VCF1: variants seen among roughly 807,000 people sequenced by gnomAD.
VCF1 encodes VCP nuclear cofactor family member 1.
At chr17:73,217,841 G>A in the VCF1 span, among the ~76,000 whole-genome samples, 16 of 151,734 alleles carry the variant, frequency 1.1e-4, no homozygotes, top group African/African-American at 3.9e-4. Flanking sequence ...GCGTGGAGGC[G>A]TGCGCCTGGA....
At chr17:73,212,467 A>G in the VCF1 span, among the ~76,000 whole-genome samples, 1 of 150,536 alleles carries the variant, frequency 6.6e-6, no homozygotes, top group African/African-American at 2.5e-5. Context: ...TGAAAGGATG[A>G]TAATGGGCCG....
the VCF1 span, among the ~76,000 whole-genome samples, chr17:73,217,691 T>C: frequency 6.6e-6 from 1 of 151,702 alleles, no homozygotes; most frequent in Non-Finnish European, 1.5e-5. Flanking sequence ...CAGTGGCTCA[T>C]GTCTGTAATC....
the VCF1 span, chr17:73,208,361 C>G: frequency 6.2e-7 from 1 of 1,614,178 alleles, no homozygotes; most frequent in South Asian, 1.1e-5. Context: ...CAGTTCCTGG[C>G]TCCTTGTTCA....
At chr17:73,216,131 G>A in the VCF1 span, among the ~76,000 whole-genome samples, 1 of 152,044 alleles carries the variant, frequency 6.6e-6, no homozygotes, top group Non-Finnish European at 1.5e-5. Flanking sequence ...AGATGAATGA[G>A]GTTAAGGATC....
At chr17:73,218,797 A>G in the VCF1 span, among the ~76,000 whole-genome samples, 1 of 152,118 alleles carries the variant, frequency 6.6e-6, no homozygotes. Context: ...AGGCGGGCGG[A>G]TCACGAGGTC....
At chr17:73,212,417 C>T in the VCF1 span, among the ~76,000 whole-genome samples, 1 of 152,152 alleles carries the variant, frequency 6.6e-6, no homozygotes, top group Non-Finnish European at 1.5e-5. Context: ...GGGGACAACC[C>T]CTCTTTCTAG....
At chr17:73,220,132 A>G in the VCF1 span, among the ~76,000 whole-genome samples, 1 of 152,214 alleles carries the variant, frequency 6.6e-6, no homozygotes, top group Non-Finnish European at 1.5e-5. Context: ...CGGATTAAAG[A>G]TGAGAATGGG....
the VCF1 span, among the ~76,000 whole-genome samples, chr17:73,211,208 C>A: frequency 6.6e-6 from 1 of 151,850 alleles, no homozygotes; most frequent in Non-Finnish European, 1.5e-5. Flanking sequence ...GTAATCCCAG[C>A]ACTTTGGTTG....
chr17:73,211,844 G>T, the VCF1 span, among the ~76,000 whole-genome samples: 1 of 152,154 alleles, frequency 6.6e-6, no homozygotes, highest in African/African-American at 2.4e-5. Context: ...TAGTGACAGA[G>T]TAAGACTCCA....
the VCF1 span, chr17:73,207,650 T>C: frequency 7.8e-7 from 1 of 1,282,868 alleles, no homozygotes; most frequent in Non-Finnish European, 1.0e-6. Context: ...TAACAGAAAA[T>C]TTGTTTCCCC....
At chr17:73,209,853 T>A in the VCF1 span, 8 of 1,503,110 alleles carry the variant, frequency 5.3e-6, no homozygotes, top group South Asian at 1.3e-5. Context: ...AGCGCTCTAT[T>A]AAGAGTACCT....
chr17:73,208,036 G>A, the VCF1 span: 1 of 1,346,564 alleles, frequency 7.4e-7, no homozygotes, highest in South Asian at 1.5e-5. Context: ...TTTCAGTTCT[G>A]CCCACATTAG....
the VCF1 span, among the ~76,000 whole-genome samples, chr17:73,217,062 G>A: frequency 6.6e-6 from 1 of 152,236 alleles, no homozygotes; most frequent in African/African-American, 2.4e-5. Context: ...GGGCCCAGTG[G>A]CTCATGCCTG....
the VCF1 span, among the ~76,000 whole-genome samples, chr17:73,216,207 G>A: frequency 4.6e-5 from 7 of 152,178 alleles, no homozygotes; most frequent in Non-Finnish European, 8.8e-5. Flanking sequence ...CAGGAGGACT[G>A]TGGAAATGAC....
chr17:73,229,151 T>G, the VCF1 span: 13 of 985,348 alleles, frequency 1.3e-5, no homozygotes, highest in Non-Finnish European at 1.6e-5. Context: ...CATAAATTAC[T>G]TGATCTCTCA....
the VCF1 span, among the ~76,000 whole-genome samples, chr17:73,219,369 G>A: frequency 2.6e-4 from 40 of 151,924 alleles, no homozygotes; most frequent in Admixed American, 1.7e-3. Flanking sequence ...AATTAATCTC[G>A]GCTGGGCGCG....
At chr17:73,232,319 G>T in the VCF1 span, 5 of 1,564,410 alleles carry the variant, frequency 3.2e-6, no homozygotes, top group Admixed American at 1.8e-5. Context: ...CGCTGCCGCC[G>T]TGGTACCGCC....
At chr17:73,208,235 G>C in the VCF1 span, 1 of 1,607,256 alleles carries the variant, frequency 6.2e-7, no homozygotes, top group Non-Finnish European at 8.5e-7. Flanking sequence ...TGTGGACTCC[G>C]AGTGGCGTCG....
At chr17:73,228,531 G>A in the VCF1 span, among the ~76,000 whole-genome samples, 3 of 152,140 alleles carry the variant, frequency 2.0e-5, no homozygotes, top group Admixed American at 2.0e-4. Context: ...CCCAGCTTAA[G>A]TTTGGAATAA....
Sources: allele counts gnomAD v4.1 joint callset (sites outside exome capture counted in the v4.1 genomes callset), GRCh38; gene constraint gnomAD v4.1.1; transcripts MANE v1.5; gene names NCBI Gene and HGNC (gene_info 2026-07-23, HGNC 2026-07-21).